Variants in UBXN8 observed in about 807,000 individuals in gnomAD.
The protein encoded by UBXN8 is UBX domain protein 8, also known as UBX domain-containing protein 8.
In UBXN8, 27 loss-of-function variants were observed where a neutral mutation model predicts 32.1. That is an observed-to-expected ratio of 0.84 (90% confidence interval 0.62 to 1.16). The LOEUF is 1.16. Ranked by LOEUF, UBXN8 falls within the 50% of genes most tolerant of loss-of-function variation. UBXN8 has a pLI of 0.00. For synonymous variants in UBXN8, 109 were observed against 111.8 expected (o/e 0.98, Z 0.16); for missense variants, 306 against 311.4 (o/e 0.98, Z 0.13).
chr8:30,744,100 C>T (rs73672521), upstream of UBXN8: 210,755 of 1,259,906 alleles, frequency 0.17, 19,082 homozygotes, highest in South Asian at 0.28. Flanking sequence ...CTCTCCCAGC[C>T]GGCCCGCGGC....
chr8:30,729,194 G>A (rs990335943), upstream of UBXN8, among the ~76,000 whole-genome samples: 2 of 152,234 alleles, frequency 1.3e-5, no homozygotes, highest in Non-Finnish European at 2.9e-5. Flanking sequence ...GCCAGCTTGA[G>A]CGACGCGGAT....
At chr8:30,760,420 C>CAT (rs1307823939) in intron 5 of UBXN8, among the ~76,000 whole-genome samples, 7,867 of 85,466 alleles carry the variant, frequency 0.092, 753 homozygotes, top group East Asian at 0.23. Context: ...CATACACAAT[C>CAT]ATATATATAT....
intron 1 of UBXN8, among the ~76,000 whole-genome samples, chr8:30,738,866 G>A (rs1805126466): frequency 6.6e-6 from 1 of 150,788 alleles, no homozygotes; most frequent in African/African-American, 2.4e-5. Flanking sequence ...TGAGGCAGGA[G>A]AATCGCTTGA....
chr8:30,747,307 G>T (rs1188622395), intron 1 of UBXN8, among the ~76,000 whole-genome samples: 9 of 81,716 alleles, frequency 1.1e-4, no homozygotes, highest in Admixed American at 1.8e-4. Context: ...CCTCAGTGGT[G>T]TTTTTTTTTT....
intron 1 of UBXN8, among the ~76,000 whole-genome samples, chr8:30,750,854 T>C (rs183591755): frequency 9.2e-5 from 14 of 151,598 alleles, no homozygotes; most frequent in Non-Finnish European, 1.6e-4. Flanking sequence ...AAAAAATGGA[T>C]AAATGGATGT....
upstream of UBXN8, among the ~76,000 whole-genome samples, chr8:30,739,972 G>T (rs1363499078): frequency 6.6e-6 from 1 of 152,184 alleles, no homozygotes; most frequent in Non-Finnish European, 1.5e-5. Flanking sequence ...CACAAACACA[G>T]CTTACTGCAG....
chr8:30,737,266 C>T (rs1342604266), intron 1 of UBXN8, among the ~76,000 whole-genome samples: 1 of 151,924 alleles, frequency 6.6e-6, no homozygotes, highest in Non-Finnish European at 1.5e-5. Context: ...AGTTCCAGTC[C>T]AAAGGCAGTC....
chr8:30,746,357 A>T (rs1419279361), intron 1 of UBXN8, among the ~76,000 whole-genome samples: 2 of 151,862 alleles, frequency 1.3e-5, no homozygotes, highest in Non-Finnish European at 2.9e-5. Context: ...TTATTTCTTA[A>T]CAGTATTTAA....
chr8:30,736,248 C>T lies in UBXN8; in HGVS notation c.622+2940C>T, dbSNP rs542925602. ...AAAGGGAAAGAAATTTTCAGAGGGACATAGCAAGTCTGCCTTGTTGAGAAA... is the reference window on the plus strand; with the variant it reads ...AAAGGGAAAGAAATTTTCAGAGGGATATAGCAAGTCTGCCTTGTTGAGAAA... On this transcript the variant is annotated intron_variant, in intron 1 of 1. Transcript: ENST00000522968. Among the ~76,000 whole-genome samples, 19 of 152,264 alleles carry T rather than the reference C, an allele frequency of 1.2e-4. No individual in the cohort carries two copies. The South Asian group carries it at 2.5e-3, about 20-fold the overall frequency.
rs548519870 is a variant in UBXN8 at position 30,760,875 on chromosome 8, TA to T, written c.529-12del. ...AACATGTTTACATTCCTCTTACCAATACTTTTCTTTAGATTCCTGATTTACC... is the reference window on the plus strand; with the variant it reads ...AACATGTTTACATTCCTCTTACCAATCTTTTCTTTAGATTCCTGATTTACC... On this transcript the variant is annotated splice_polypyrimidine_tract_variant and intron_variant, in intron 5 of 7. Coordinates refer to ENST00000265616, the MANE Select transcript of UBXN8 (RefSeq NM_005671.4). 2.2e-4 allele frequency: 332 copies of T among 1,520,564 alleles called. No individual in the cohort carries two copies. Among genetic ancestry groups the T allele is most frequent in the Non-Finnish European group, 2.9e-4 (323 of 1,124,852 alleles). The allele number at this position is 1,520,564 out of a possible 1,614,324, so 94.2% of individuals were successfully genotyped here.
chr8:30,732,160 C>T (rs984177394), upstream of UBXN8: 252 of 340,366 alleles, frequency 7.4e-4, no homozygotes, highest in Admixed American at 3.8e-4. Context: ...CAAGAACTCC[C>T]CCACCATCTT....
chr8:30,754,237 C>A, intron 3 of UBXN8: 1 of 327,050 alleles, frequency 3.1e-6, no homozygotes. Context: ...GAGACTCCAT[C>A]TCAAAACAAA....
intron 1 of UBXN8, among the ~76,000 whole-genome samples, chr8:30,736,868 A>G (rs1805079363): frequency 6.6e-6 from 1 of 152,216 alleles, no homozygotes; most frequent in South Asian, 2.1e-4. Flanking sequence ...TCTTAGCTTA[A>G]GAAATGTAGT....
Position 30,756,761 on chromosome 8 carries a change from C to T in UBXN8, c.406-4C>T. On this transcript the variant is annotated splice_polypyrimidine_tract_variant and splice_region_variant and intron_variant, in intron 4 of 7. Coordinates refer to ENST00000265616, the MANE Select transcript of UBXN8 (RefSeq NM_005671.4). Reference sequence around the variant, plus strand: ...TTTAGAAATTGTCTGTTGTGTTTGACCAGGGTGATGAAGGTACAAGTCAGA... The same window carrying T: ...TTTAGAAATTGTCTGTTGTGTTTGATCAGGGTGATGAAGGTACAAGTCAGA... The T allele has an allele frequency of 6.2e-7, 1 of 1,613,838 alleles. No individual in the cohort carries two copies. Among genetic ancestry groups the T allele is most frequent in the East Asian group, 2.2e-5 (1 of 44,874 alleles).
At chr8:30,739,480 T>C (rs867134645), upstream of UBXN8, among the ~76,000 whole-genome samples, 6 of 151,724 alleles carry the variant, frequency 4.0e-5, no homozygotes, top group South Asian at 1.3e-3. Flanking sequence ...GGAGGTGGAG[T>C]TTGCAGTAAG....
chr8:30,753,837 A>G (rs138729268), intron 3 of UBXN8, among the ~76,000 whole-genome samples: 209 of 149,288 alleles, frequency 1.4e-3, no homozygotes, highest in African/African-American at 5.0e-3. Context: ...GAGTGGTACA[A>G]CCATACCTCA....
rs370207198 is a variant in UBXN8, at chr8:30,749,400, A to AAAAAAAT, written c.89-1992_89-1991insAATAAAA. ...AGACTGAGGCTCCGTCTCAAAAAAA[A>AAAAAAAT]AAAATAAAATAAATAAATAAATAAA... On this transcript the variant is annotated intron_variant, in intron 1 of 7. Coordinates refer to ENST00000265616, the MANE Select transcript of UBXN8 (RefSeq NM_005671.4). Among the ~76,000 whole-genome samples, 330 of 137,436 alleles carry AAAAAAAT rather than the reference A, an allele frequency of 2.4e-3. 8 individuals carry two copies. In the Middle Eastern group the frequency reaches 0.04, roughly 17 times the overall value. 90.2% of individuals were successfully genotyped at this position (137,436 alleles called of 152,430 possible).
exon 1 of UBXN8, chr8:30,733,149 G>A (rs577318585): frequency 1.3e-5 from 2 of 152,408 alleles, no homozygotes; most frequent in South Asian, 2.1e-4. Flanking sequence ...GGAACTATAC[G>A]TGGATGGGAG....
chr8:30,754,306 T>C (rs1307370638), intron 3 of UBXN8: 5 of 374,544 alleles, frequency 1.3e-5, no homozygotes, highest in Admixed American at 1.2e-4. Context: ...ATTCTAAAGA[T>C]GGCACTTGGT....
Sources: allele counts gnomAD v4.1 joint callset (sites outside exome capture counted in the v4.1 genomes callset), GRCh38; gene constraint gnomAD v4.1.1; transcripts MANE v1.5; gene names NCBI Gene and HGNC (gene_info 2026-07-23, HGNC 2026-07-21).